Variants in PMPCB observed in about 807,000 individuals in gnomAD.
PMPCB encodes mitochondrial-processing peptidase subunit beta.
PMPCB carries 46 observed loss-of-function variants against 61.5 expected under a neutral mutation model. That is an observed-to-expected ratio of 0.75 (90% CI 0.59 to 0.96). The LOEUF is 0.96. Ranked by LOEUF, PMPCB falls within the 40% of genes least tolerant of loss-of-function variation. The pLI is 0.00. For missense variants in PMPCB, 590 were observed against 602.4 expected, an observed-to-expected ratio of 0.98 and a Z score of 0.22; for synonymous variants, 191 against 201.6, an observed-to-expected ratio of 0.95 and a Z score of 0.44.
At chr7:103,343,501 A>G in the PMPCB span, among the ~76,000 whole-genome samples, 37 of 152,198 alleles carry the variant, frequency 2.4e-4, no homozygotes, top group African/African-American at 7.7e-4. Context: ...TGGCTATGTG[A>G]CCTGAAATGA....
chr7:103,304,002 A>C lies in PMPCB; in HGVS notation c.618A>C (p.Ala206=). Residue 206 remains alanine, a synonymous_variant, in exon 5 of 13, where the codon GCA becomes GCC. Transcript: ENST00000249269. ...ATGCCACAGCTTATCAAAATACTGC[A>C]CTTGGACGGACAATTTTGGGACCAA... The part of the protein sequence containing the change: ...YLHATAYQNT[A]LGRTILGPTE... 1 of 1,613,938 alleles carries C rather than the reference A, an allele frequency of 6.2e-7. No homozygotes were observed. Among genetic ancestry groups the C allele is most frequent in the Non-Finnish European group, 8.5e-7 (1 of 1,179,840 alleles).
At chr7:103,337,110 CACTAA>C in the PMPCB span, 3 of 152,202 alleles carry the variant, frequency 2.0e-5, no homozygotes, top group Non-Finnish European at 4.4e-5. Flanking sequence ...TTACCTCTTT[CACTAA>C]ACTTTATTAA....
At chr7:103,332,069 G>A (rs576805208), downstream of PMPCB, among the ~76,000 whole-genome samples, 13 of 150,684 alleles carry the variant, frequency 8.6e-5, no homozygotes, top group East Asian at 2.5e-3. Context: ...CAGTGGTGCA[G>A]TCTTGGCTCA....
chr7:103,312,931 CG>C lies in PMPCB; in HGVS notation c.*661del. The stretch of plus-strand genomic sequence containing the variant: ...AATTTAAAATACAACAATCTATAAA[CG>C]CTTAAGTCTGCAACCTTGTATCGTT... On this transcript the variant is annotated 3_prime_UTR_variant, in exon 13 of 13. Transcript: ENST00000249269. The C allele has an allele frequency of 6.2e-7, 1 of 1,601,272 alleles. No homozygotes were observed. The highest frequency in any genetic ancestry group is 8.5e-7 in the Non-Finnish European group (1 of 1,176,712).
At chr7:103,299,389 C>G (rs181319627) in intron 2 of PMPCB, 54 bp from the exon 3 acceptor site, 33 of 1,110,928 alleles carry the variant, frequency 3.0e-5, no homozygotes, top group East Asian at 1.0e-4. Flanking sequence ...ACTGTTCCCC[C>G]CAACCTCAAA....
chr7:103,297,686 C>T (rs1157102605), intron 1 of PMPCB, 128 bp downstream of exon 1: 8 of 1,538,100 alleles, frequency 5.2e-6, no homozygotes, highest in Non-Finnish European at 7.0e-6. Context: ...ACCCGCCGGG[C>T]GCCAGGCGGC....
Position 103,313,339 on chromosome 7 carries a change from T to C in PMPCB, c.*1068T>C. The C allele has an allele frequency of 7.9e-7, 1 of 1,265,242 alleles. No homozygotes were observed. The highest frequency in any genetic ancestry group is 9.9e-7 in the Non-Finnish European group (1 of 1,005,818). The allele number at this position is 1,265,242 out of a possible 1,614,324, so 78.4% of individuals were successfully genotyped here. A position where few individuals can be genotyped will look rare whatever the true frequency, so the allele number is the denominator to read the frequency against. On this transcript the variant is annotated 3_prime_UTR_variant, in exon 13 of 13. Coordinates refer to ENST00000249269, the MANE Select transcript of PMPCB (RefSeq NM_004279.3). ...GGCTTTTAAAACACAATAGTAAAGATCTACCTTGTACTGTTTATCTCTTAA... is the reference window on the plus strand; with the variant it reads ...GGCTTTTAAAACACAATAGTAAAGACCTACCTTGTACTGTTTATCTCTTAA...
In PMPCB at chr7:103,303,990, T is replaced by A. The variant is rs748505216; in HGVS notation, c.606T>A (p.Tyr202Ter). Reference sequence around the variant, plus strand: ...TTGATTATCTTCATGCCACAGCTTATCAAAATACTGCACTTGGACGGACAA... The same window carrying A: ...TTGATTATCTTCATGCCACAGCTTAACAAAATACTGCACTTGGACGGACAA... ...VVFDYLHATA[Y>*]QNTALGRTIL... Residue 202 changes from tyrosine (Y) to a stop codon, truncating the protein, a stop_gained, in exon 5 of 13, where the codon TAT becomes TAA. Coordinates refer to ENST00000249269, the MANE Select transcript of PMPCB (RefSeq NM_004279.3). LOFTEE classifies it high-confidence loss of function. 1.9e-6 allele frequency: 3 copies of A among 1,613,942 alleles called. No individual in the cohort carries two copies. Among genetic ancestry groups the A allele is most frequent in the African/African-American group, 2.7e-5 (2 of 74,926 alleles).
chr7:103,314,847 A>G (rs922736355), downstream of PMPCB, among the ~76,000 whole-genome samples: 8 of 152,224 alleles, frequency 5.3e-5, no homozygotes, highest in African/African-American at 1.9e-4. Context: ...TGTATAGTCA[A>G]GTCTATTAAT....
intron 9 of PMPCB, chr7:103,311,427 A>G: frequency 1.7e-6 from 1 of 573,022 alleles, no homozygotes; most frequent in Non-Finnish European, 3.1e-6. Flanking sequence ...CCATTTGTAT[A>G]AAGCCTTTGT....
chr7:103,340,226 T>C, the PMPCB span, among the ~76,000 whole-genome samples: 1 of 152,198 alleles, frequency 6.6e-6, no homozygotes, highest in African/African-American at 2.4e-5. Context: ...AAAGTGTCTT[T>C]TTCTTTGTTT....
At chr7:103,345,197 G>A in the PMPCB span, 1 of 157,464 alleles carries the variant, frequency 6.4e-6, no homozygotes, top group Non-Finnish European at 1.4e-5. Flanking sequence ...GCTAATATTT[G>A]TCGTGCTATT....
chr7:103,334,290 G>A (rs1254525067), downstream of PMPCB, among the ~76,000 whole-genome samples: 2 of 151,552 alleles, frequency 1.3e-5, no homozygotes, highest in Non-Finnish European at 2.9e-5. Flanking sequence ...GGCTGGGCAC[G>A]GTGGCTCATG....
At chr7:103,297,610 G>A (rs1207967321) in intron 1 of PMPCB, 52 bp downstream of exon 1, 1 of 1,607,352 alleles carries the variant, frequency 6.2e-7, no homozygotes, top group East Asian at 2.2e-5. Context: ...CAGACCCGGC[G>A]CAGCGCACCT....
Position 103,313,522 on chromosome 7 carries a change from C to T in PMPCB, c.*1251C>T. 1.0e-6 allele frequency: 1 copy of T among 984,332 alleles called. No individual in the cohort carries two copies. Among genetic ancestry groups the T allele is most frequent in the Non-Finnish European group, 1.2e-6 (1 of 828,976 alleles). 61.0% of individuals were successfully genotyped at this position (984,332 alleles called of 1,614,324 possible). On this transcript the variant is annotated 3_prime_UTR_variant, in exon 13 of 13. Coordinates refer to ENST00000249269, the MANE Select transcript of PMPCB (RefSeq NM_004279.3). Reference sequence around the variant, plus strand: ...GTAAAAGAGCTTCCTCACAGTTAAACTTTTGCTGGATAGAAACCCTGGAAA... The same window carrying T: ...GTAAAAGAGCTTCCTCACAGTTAAATTTTTGCTGGATAGAAACCCTGGAAA...
the PMPCB span, among the ~76,000 whole-genome samples, chr7:103,344,037 C>T: frequency 6.6e-6 from 1 of 152,224 alleles, no homozygotes; most frequent in South Asian, 2.1e-4. Context: ...TAATAACTGC[C>T]TTTCAAAGTC....
the PMPCB span, among the ~76,000 whole-genome samples, chr7:103,341,409 G>A: frequency 3.3e-5 from 5 of 152,108 alleles, no homozygotes; most frequent in African/African-American, 1.2e-4. Flanking sequence ...TACCCTATAC[G>A]ACTTATCAAT....
chr7:103,301,435 T>C (rs1428939200), intron 4 of PMPCB, among the ~76,000 whole-genome samples: 2 of 152,266 alleles, frequency 1.3e-5, no homozygotes, highest in African/African-American at 4.8e-5. Flanking sequence ...AACATATGGC[T>C]AGGCCAAGGT....
At chr7:103,337,413 A>G in the PMPCB span, 1 of 200,214 alleles carries the variant, frequency 5.0e-6, no homozygotes, top group African/African-American at 2.3e-5. Context: ...GGCAGTATCC[A>G]CTAAGTGCAG....
Sources: allele counts gnomAD v4.1 joint callset (sites outside exome capture counted in the v4.1 genomes callset), GRCh38; gene constraint gnomAD v4.1.1; transcripts MANE v1.5; gene names NCBI Gene and HGNC (gene_info 2026-07-23, HGNC 2026-07-21).